The following VPS54 variants were observed in gnomAD, a reference collection of about 807,000 sequenced individuals.
VPS54 encodes VPS54 subunit of GARP complex.
VPS54 carries 45 observed loss-of-function variants against 121.5 expected under a neutral mutation model. That is an observed-to-expected ratio of 0.37 (90% CI 0.29 to 0.47). VPS54 has a LOEUF of 0.47. Ranked by LOEUF, VPS54 falls within the 20% of genes least tolerant of loss-of-function variation. The probability of loss-of-function intolerance (pLI) is 0.99; values close to 1 mark genes in which losing one functional copy is unlikely to be tolerated. For synonymous variants in VPS54, 371 were observed against 385.8 expected (o/e 0.96, Z 0.45); for missense variants, 1,090 against 1,131.4 (o/e 0.96, Z 0.52).
intron 14 of VPS54, among the ~76,000 whole-genome samples, 179 bp from the exon 15 acceptor site, chr2:63,920,174 A>G (rs997438850): frequency 6.6e-6 from 1 of 152,126 alleles, no homozygotes; most frequent in Non-Finnish European, 1.5e-5. Context: ...AGCCTAATCA[A>G]AAAGAATGAT....
chr2:63,922,512 C>T (rs75762822), intron 12 of VPS54, among the ~76,000 whole-genome samples: 4,079 of 152,218 alleles, frequency 0.027, 174 homozygotes, highest in African/African-American at 0.094. Flanking sequence ...AATTAATATT[C>T]TTAAAGTACT....
chr2:63,920,416 C>A, intron 14 of VPS54, 30 bp downstream of exon 14: 1 of 1,428,414 alleles, frequency 7.0e-7, no homozygotes, highest in South Asian at 1.7e-5. Flanking sequence ...ATGAAAAAAT[C>A]AAACAACAGA....
chr2:63,942,392 A>G, intron 11 of VPS54, 73 bp downstream of exon 11: 1 of 1,025,296 alleles, frequency 9.8e-7, no homozygotes, highest in Non-Finnish European at 1.4e-6. Flanking sequence ...TTGAGTCTTT[A>G]TTTACATATT....
chr2:63,897,693 T>C, intron 21 of VPS54, 103 bp from the exon 22 acceptor site: 1 of 664,000 alleles, frequency 1.5e-6, no homozygotes, highest in Non-Finnish European at 2.4e-6. Flanking sequence ...ACCAAAACCT[T>C]TGCTTTGACA....
At chr2:63,917,154 A>G (rs1673425261) in intron 15 of VPS54, among the ~76,000 whole-genome samples, 191 bp from the exon 16 acceptor site, 1 of 152,084 alleles carries the variant, frequency 6.6e-6, no homozygotes, top group African/African-American at 2.4e-5. Context: ...GGATTTGAGT[A>G]CCAGTACTAC....
intron 20 of VPS54, among the ~76,000 whole-genome samples, chr2:63,900,976 G>A (rs963351112): frequency 2.0e-5 from 3 of 152,062 alleles, no homozygotes; most frequent in Admixed American, 1.3e-4. Context: ...TGGCCAGGAT[G>A]GTCTTGATCT....
At chr2:64,007,084 T>C (rs1341886134) in intron 1 of VPS54, among the ~76,000 whole-genome samples, 2 of 152,122 alleles carry the variant, frequency 1.3e-5, no homozygotes, top group Non-Finnish European at 2.9e-5. Flanking sequence ...TAGGAGAAAG[T>C]AGAGGGAAAA....
chr2:63,999,929 C>A (rs765390831), intron 1 of VPS54, among the ~76,000 whole-genome samples: 2 of 152,038 alleles, frequency 1.3e-5, no homozygotes, highest in East Asian at 3.9e-4. Context: ...GGCACGATCT[C>A]GTCTCACTGC....
At chr2:63,977,645 CAT>C (rs1449224523) in intron 3 of VPS54, among the ~76,000 whole-genome samples, 4 of 152,202 alleles carry the variant, frequency 2.6e-5, no homozygotes, top group Admixed American at 6.5e-5. Context: ...GTATATTAAA[CAT>C]AGTTACTTTG....
chr2:63,975,845 C>G (rs1375060624), intron 3 of VPS54, among the ~76,000 whole-genome samples: 1 of 152,220 alleles, frequency 6.6e-6, no homozygotes, highest in Non-Finnish European at 1.5e-5. Flanking sequence ...TAGCCAGCAG[C>G]AGGCAAGGTG....
chr2:63,956,223 A>C (rs1675484803), intron 7 of VPS54, among the ~76,000 whole-genome samples: 1 of 152,292 alleles, frequency 6.6e-6, no homozygotes, highest in Non-Finnish European at 1.5e-5. Context: ...CAATATTTTA[A>C]AATCTAAATT....
At chr2:63,943,789 A>C (rs1674849968) in intron 10 of VPS54, among the ~76,000 whole-genome samples, 1 of 148,496 alleles carries the variant, frequency 6.7e-6, no homozygotes, top group Non-Finnish European at 1.5e-5. Context: ...CAGTGGCACA[A>C]TCATGGCTCA....
chr2:63,992,509 G>A (rs933828857), intron 1 of VPS54, among the ~76,000 whole-genome samples: 1 of 152,314 alleles, frequency 6.6e-6, no homozygotes, highest in African/African-American at 2.4e-5. Flanking sequence ...CCACTGCCAC[G>A]CCTCCTGATC....
intron 11 of VPS54, among the ~76,000 whole-genome samples, chr2:63,941,912 T>C (rs1001886373): frequency 6.6e-5 from 10 of 150,880 alleles, no homozygotes; most frequent in African/African-American, 2.4e-4. Flanking sequence ...CACACGCCTA[T>C]AATCCTAGCT....
chr2:63,989,087 T>C (rs1677192782), intron 1 of VPS54, among the ~76,000 whole-genome samples: 1 of 152,194 alleles, frequency 6.6e-6, no homozygotes, highest in South Asian at 2.1e-4. Flanking sequence ...CCTAGTCTCC[T>C]GCAGCACCCC....
intron 4 of VPS54, among the ~76,000 whole-genome samples, chr2:63,971,855 C>T (rs192598923): frequency 3.3e-5 from 5 of 152,306 alleles, no homozygotes; most frequent in Admixed American, 3.3e-4. Flanking sequence ...ATCCTCCCAC[C>T]TCAGCCTCCC....
chr2:63,941,669 G>A (rs1352496231), intron 11 of VPS54, among the ~76,000 whole-genome samples: 1 of 152,210 alleles, frequency 6.6e-6, no homozygotes, highest in African/African-American at 2.4e-5. Flanking sequence ...TGACTAAAGA[G>A]ACAAAATAAT....
chr2:64,013,276 C>A (rs1484122586), intron 1 of VPS54, among the ~76,000 whole-genome samples: 1 of 152,114 alleles, frequency 6.6e-6, no homozygotes, highest in Non-Finnish European at 1.5e-5. Context: ...TGACTAGAAT[C>A]TAATCATGAG....
At chr2:63,921,573 G>A (rs1183422232) in intron 12 of VPS54, among the ~76,000 whole-genome samples, 1 of 152,008 alleles carries the variant, frequency 6.6e-6, no homozygotes, top group Admixed American at 6.6e-5. Flanking sequence ...TGTCACCCAG[G>A]CTGGAGTGCA....
Sources: gnomAD v4.1 joint callset for allele counts (sites outside exome capture counted in the v4.1 genomes callset) on GRCh38, gnomAD v4.1.1 for gene constraint, MANE v1.5 for transcripts, NCBI Gene and HGNC (gene_info 2026-07-23, HGNC 2026-07-21) for gene names.